The following TANC1 variants were observed in gnomAD, a reference collection of about 807,000 sequenced individuals.
TANC1 encodes the protein protein TANC1.
Under a neutral mutation model 149.7 loss-of-function variants are expected in TANC1, and 77 were observed. The observed-to-expected ratio is 0.51, with a 90% CI of 0.43 to 0.62. The LOEUF is 0.62. TANC1 is among the 20% of genes least tolerant of loss of function. TANC1 has a pLI of 0.00. For missense variants in TANC1, 1,985 were observed against 2,321.8 expected, an observed-to-expected ratio of 0.85 and a Z score of 2.98; for synonymous variants, 854 against 925.0, an observed-to-expected ratio of 0.92 and a Z score of 1.39.
At chr2:159,062,989 A>G (rs1280604023) in intron 2 of TANC1, among the ~76,000 whole-genome samples, 1 of 147,348 alleles carries the variant, frequency 6.8e-6, no homozygotes, top group Non-Finnish European at 1.5e-5. Flanking sequence ...AAAAAAAAAA[A>G]AAAAAAGAAA....
intron 16 of TANC1, among the ~76,000 whole-genome samples, chr2:159,190,374 G>A (rs1000026109): frequency 6.6e-6 from 1 of 152,144 alleles, no homozygotes; most frequent in African/African-American, 2.4e-5. Flanking sequence ...GCAGAGTCTG[G>A]TGTGCCCCTT....
chr2:158,972,140 A>G (rs2032975864), intron 1 of TANC1, among the ~76,000 whole-genome samples: 1 of 152,180 alleles, frequency 6.6e-6, no homozygotes, highest in Non-Finnish European at 1.5e-5. Flanking sequence ...TCATTTGTTT[A>G]TTTTCAACTT....
At position 159,024,501 on chromosome 2, in the gene TANC1, A is replaced by G. The variant is rs199699155; in HGVS notation, c.-16+23312A>G. Among the ~76,000 whole-genome samples the G allele has an allele frequency of 3.9e-5, 6 of 152,184 alleles. No individual in the cohort carries two copies. In the East Asian group the frequency reaches 7.7e-4, roughly 20 times the overall value. On this transcript the variant is annotated intron_variant, in intron 2 of 26. Transcript: ENST00000263635. ...CGCAGTGGCTCATGCCTATAATCCC[A>G]GCACTTTGGGAGGCTGAGGCAGGCG...
chr2:159,007,138 G>GTTTTTTTTTTTTTTTTTTT (rs70994252), intron 2 of TANC1, among the ~76,000 whole-genome samples: 1 of 69,516 alleles, frequency 1.4e-5, no homozygotes, highest in East Asian at 5.0e-4. Flanking sequence ...CTTTAATACT[G>GTTTTTTTTTTTTTTTTTTT]TTTTTTTTTT....
chr2:159,028,174 G>A (rs953800711), intron 2 of TANC1, among the ~76,000 whole-genome samples: 2 of 152,096 alleles, frequency 1.3e-5, no homozygotes, highest in Non-Finnish European at 2.9e-5. Context: ...AGGCTGGAGT[G>A]CAATGGTGCA....
chr2:159,101,062 C>T (rs919353103), intron 4 of TANC1, among the ~76,000 whole-genome samples: 4 of 152,176 alleles, frequency 2.6e-5, no homozygotes, highest in Admixed American at 6.5e-5. Flanking sequence ...GCTCCAGGGT[C>T]GTGCCATCAT....
At chr2:159,018,543 G>T (rs1259190313) in intron 2 of TANC1, among the ~76,000 whole-genome samples, 1 of 152,130 alleles carries the variant, frequency 6.6e-6, no homozygotes, top group African/African-American at 2.4e-5. Flanking sequence ...CGGTTCAGTG[G>T]CATTAAGTAC....
At chr2:159,078,093 A>G (rs1215940999) in intron 3 of TANC1, among the ~76,000 whole-genome samples, 1 of 152,200 alleles carries the variant, frequency 6.6e-6, no homozygotes, top group Non-Finnish European at 1.5e-5. Flanking sequence ...CTGGGTTTGT[A>G]TCCTGGCTCC....
At chr2:158,992,917 C>T (rs1463521865) in intron 1 of TANC1, among the ~76,000 whole-genome samples, 1 of 152,166 alleles carries the variant, frequency 6.6e-6, no homozygotes, top group Non-Finnish European at 1.5e-5. Context: ...GATTACTTCA[C>T]TGTGCTTCAC....
intron 5 of TANC1, 152 bp downstream of exon 5, chr2:159,136,450 T>G: frequency 1.7e-6 from 1 of 597,554 alleles, no homozygotes; most frequent in Non-Finnish European, 3.0e-6. Context: ...AGAGATCTGT[T>G]TGGCTAACGC....
At chr2:159,086,705 A>G (rs552742810) in intron 3 of TANC1, among the ~76,000 whole-genome samples, 1 of 152,270 alleles carries the variant, frequency 6.6e-6, no homozygotes, top group East Asian at 1.9e-4. Context: ...ATGTCAGAAT[A>G]TATGTCAAAC....
At chr2:159,076,260 A>G (rs371409977) in intron 3 of TANC1, among the ~76,000 whole-genome samples, 1 of 152,108 alleles carries the variant, frequency 6.6e-6, no homozygotes, top group African/African-American at 2.4e-5. Flanking sequence ...GGGAATTTTT[A>G]CTGAAGTCGC....
rs187532350 is a variant in TANC1 at position 159,001,824 on chromosome 2, A to C, written c.-16+635A>C. 1.4e-4 allele frequency among the ~76,000 whole-genome samples: 21 copies of C among 152,244 alleles called. No individual in the cohort carries two copies. Among genetic ancestry groups the C allele is most frequent in the Non-Finnish European group, 3.1e-4 (21 of 68,012 alleles). ...TCACACTCCAAAGCCCTTGCTTGTA[A>C]TTGTTAGGGAATTGAACAGTGGACA... On this transcript the variant is annotated intron_variant, in intron 2 of 26. Transcript: ENST00000263635. The surrounding 1 kb of genome is among the most constrained non-coding windows in gnomAD (Gnocchi z 4.3).
At chr2:159,194,134 T>G in intron 16 of TANC1, 123 bp from the exon 17 acceptor site, 1 of 743,106 alleles carries the variant, frequency 1.3e-6, no homozygotes, top group Non-Finnish European at 2.4e-6. Flanking sequence ...GTGATACTGG[T>G]GCACATTCAA....
intron 2 of TANC1, chr2:159,060,159 CAG>C: frequency 3.6e-6 from 3 of 838,132 alleles, no homozygotes; most frequent in Non-Finnish European, 4.3e-6. Context: ...GCTTCTAACA[CAG>C]AGGATGTTTT....
In TANC1 at chr2:159,230,519, A is replaced by G. The variant is rs1218583884; in HGVS notation, c.5093A>G (p.Asp1698Gly). The change falls in exon 27 of 27, where the codon GAT becomes GGT. Residue 1698 changes from aspartate (D) to glycine (G), a missense_variant. By Grantham distance (94) the Asp-to-Gly change is moderately conservative. Transcript: ENST00000263635. This position sits in a 1 kb window ranked among gnomAD's most constrained non-coding sequence, Gnocchi z 4.4. ...GATGGCTTCAAGGTCCAAGGACCAGATACTAGAATTAAAGACAAGGTTGTA... is the reference window on the plus strand; with the variant it reads ...GATGGCTTCAAGGTCCAAGGACCAGGTACTAGAATTAAAGACAAGGTTGTA... ...FSDGFKVQGP[D>G]TRIKDKVVTH... is the part of the protein sequence containing the mutation. 6.2e-7 allele frequency: 1 copy of G among 1,614,226 alleles called. No homozygotes were observed. Among genetic ancestry groups the G allele is most frequent in the Non-Finnish European group, 8.5e-7 (1 of 1,180,048 alleles).
intron 4 of TANC1, among the ~76,000 whole-genome samples, chr2:159,118,700 T>C (rs767946392): frequency 3.3e-5 from 5 of 152,110 alleles, no homozygotes; most frequent in Non-Finnish European, 5.9e-5. Context: ...CACAAGCAAA[T>C]GTAGCCTTGA....
intron 5 of TANC1, among the ~76,000 whole-genome samples, chr2:159,138,292 C>T (rs1411125890): frequency 2.0e-5 from 3 of 152,096 alleles, no homozygotes; most frequent in Non-Finnish European, 4.4e-5. Context: ...AGGTGTAGTT[C>T]ACGTCTGTGG....
chr2:159,064,637 A>G (rs559125118), intron 2 of TANC1, among the ~76,000 whole-genome samples: 22 of 152,346 alleles, frequency 1.4e-4, no homozygotes, highest in Admixed American at 1.1e-3. Flanking sequence ...CAGTAAAACA[A>G]AAGGCTTGGG....
Sources: allele counts gnomAD v4.1 joint callset (sites outside exome capture counted in the v4.1 genomes callset), GRCh38; gene constraint gnomAD v4.1.1; non-coding constraint Gnocchi (gnomAD v3.1); transcripts MANE v1.5; gene names NCBI Gene and HGNC (gene_info 2026-07-23, HGNC 2026-07-21).